Variants in ADGRL3 observed in about 807,000 individuals in gnomAD.
ADGRL3 encodes the protein calcium-independent alpha-latrotoxin receptor 3.
In ADGRL3, 62 loss-of-function variants were observed where a neutral mutation model predicts 153.5. The observed-to-expected ratio is 0.40, with a 90% CI of 0.33 to 0.50. ADGRL3 has a LOEUF of 0.50. ADGRL3 is among the 20% of genes least tolerant of loss of function. The pLI, the probability that ADGRL3 is intolerant of heterozygous loss-of-function variation, is 0.47. For synonymous variants in ADGRL3, 710 were observed against 672.5 expected, an observed-to-expected ratio of 1.06 and a Z score of -0.86; for missense variants, 1,641 against 1,859.4, an observed-to-expected ratio of 0.88 and a Z score of 2.16.
chr4:61,300,562 G>T (rs1003173507), intron 1 of ADGRL3, among the ~76,000 whole-genome samples: 2 of 152,082 alleles, frequency 1.3e-5, no homozygotes, highest in Admixed American at 6.6e-5. Context: ...TTAAGGAAAA[G>T]AAATGCTCAG....
At chr4:61,964,670 AAAAT>A (rs1444723273) in intron 17 of ADGRL3, among the ~76,000 whole-genome samples, 1 of 152,184 alleles carries the variant, frequency 6.6e-6, no homozygotes, top group Non-Finnish European at 1.5e-5. Flanking sequence ...ATCAGTACTA[AAAAT>A]AAATAAACTT....
At chr4:61,804,656 A>G (rs1327535634) in intron 8 of ADGRL3, among the ~76,000 whole-genome samples, 1 of 152,158 alleles carries the variant, frequency 6.6e-6, no homozygotes, top group Non-Finnish European at 1.5e-5. Flanking sequence ...ACCTCATTCT[A>G]ATTCCCTTAT....
chr4:61,830,237 T>C (rs2097854345), intron 9 of ADGRL3, among the ~76,000 whole-genome samples: 1 of 152,026 alleles, frequency 6.6e-6, no homozygotes, highest in Non-Finnish European at 1.5e-5. Context: ...AAAAATTTCT[T>C]TAAAATTAGC....
At chr4:61,341,613 A>G (rs2095810221) in intron 1 of ADGRL3, among the ~76,000 whole-genome samples, 1 of 151,970 alleles carries the variant, frequency 6.6e-6, no homozygotes, top group Non-Finnish European at 1.5e-5. Context: ...GCTGTTATGC[A>G]AAATGTTCTC....
chr4:61,282,406 G>T (rs946609180), intron 1 of ADGRL3, among the ~76,000 whole-genome samples: 4 of 151,824 alleles, frequency 2.6e-5, no homozygotes, highest in African/African-American at 9.7e-5. Flanking sequence ...TTTAAAATCC[G>T]CATTTGGTTA....
chr4:61,955,364 C>G (rs958643698), intron 17 of ADGRL3, among the ~76,000 whole-genome samples: 1 of 152,058 alleles, frequency 6.6e-6, no homozygotes, highest in Non-Finnish European at 1.5e-5. Flanking sequence ...ACAAATTAAA[C>G]TACATAATAA....
At chr4:61,635,855 G>A (rs763712976) in intron 5 of ADGRL3, among the ~76,000 whole-genome samples, 1 of 151,998 alleles carries the variant, frequency 6.6e-6, no homozygotes, top group Non-Finnish European at 1.5e-5. Context: ...CCCTCTGTGT[G>A]TATATGTGTC....
chr4:61,557,097 T>C (rs1181420343), intron 4 of ADGRL3, among the ~76,000 whole-genome samples: 2 of 152,172 alleles, frequency 1.3e-5, no homozygotes, highest in East Asian at 3.8e-4. Flanking sequence ...AGAGGTAAGA[T>C]AAAAGATGAT....
intron 4 of ADGRL3, among the ~76,000 whole-genome samples, chr4:61,553,596 C>T (rs545386150): frequency 6.6e-6 from 1 of 152,204 alleles, no homozygotes; most frequent in East Asian, 1.9e-4. Context: ...TATTGTCTGA[C>T]ATCACAATAT....
chr4:61,540,594 A>C (rs975434261), intron 4 of ADGRL3, among the ~76,000 whole-genome samples: 1 of 152,078 alleles, frequency 6.6e-6, no homozygotes, highest in African/African-American at 2.4e-5. Context: ...AATACAATGG[A>C]TTTTCTTCAA....
At chr4:61,985,669 T>C (rs962803036) in intron 19 of ADGRL3, among the ~76,000 whole-genome samples, 2 of 152,194 alleles carry the variant, frequency 1.3e-5, no homozygotes, top group Non-Finnish European at 2.9e-5. Flanking sequence ...CCAGAATTAT[T>C]GGGAGCATAG....
intron 9 of ADGRL3, among the ~76,000 whole-genome samples, chr4:61,842,597 GA>G (rs2098049718): frequency 6.6e-6 from 1 of 151,884 alleles, no homozygotes; most frequent in Admixed American, 6.6e-5. Context: ...GCATCTGGCT[GA>G]AACACCATCT....
At chr4:61,635,067 G>A (rs1160213124) in intron 5 of ADGRL3, among the ~76,000 whole-genome samples, 1 of 152,108 alleles carries the variant, frequency 6.6e-6, no homozygotes, top group East Asian at 1.9e-4. Flanking sequence ...TAGTCTCACT[G>A]AGAACTAAAA....
intron 6 of ADGRL3, among the ~76,000 whole-genome samples, chr4:61,688,267 A>C (rs2095481157): frequency 6.6e-6 from 1 of 152,118 alleles, no homozygotes; most frequent in African/African-American, 2.4e-5. Context: ...TCTAATTATA[A>C]TTTACATCTT....
At position 62,070,567 on chromosome 4, in the gene ADGRL3, A is replaced by C; in HGVS notation, c.4291A>C (p.Ser1431Arg). ...RRRIPQDHSE[S>R]FFPLLTNEHT... ...GCGGATCCCCCAAGACCACAGTGAG[A>C]GCTTTTTCCCTTTGCTAACCAACGA... The change falls in exon 27 of 27, where the codon AGC becomes CGC. Residue 1431 changes from serine (S) to arginine (R), a missense_variant. Ser to Arg is a moderately radical substitution (Grantham distance 110). Transcript: ENST00000683033. 1 of 1,550,416 alleles carries C rather than the reference A, an allele frequency of 6.4e-7. No homozygotes were observed. The highest frequency in any genetic ancestry group is 2.5e-5 in the East Asian group (1 of 40,800).
intron 1 of ADGRL3, among the ~76,000 whole-genome samples, chr4:61,267,309 G>C (rs1249675350): frequency 6.6e-6 from 1 of 151,644 alleles, no homozygotes; most frequent in Non-Finnish European, 1.5e-5. Flanking sequence ...AAAAGTCTCT[G>C]CTCCCTCCCC....
At chr4:61,299,266 A>T (rs1277647070) in intron 1 of ADGRL3, among the ~76,000 whole-genome samples, 3 of 152,158 alleles carry the variant, frequency 2.0e-5, no homozygotes, top group African/African-American at 7.2e-5. Context: ...ATATTAATTT[A>T]TACAGCATCA....
chr4:61,641,582 C>T (rs2093675305), intron 5 of ADGRL3, among the ~76,000 whole-genome samples: 1 of 151,724 alleles, frequency 6.6e-6, no homozygotes, highest in Admixed American at 6.6e-5. Context: ...TGACGATTTC[C>T]AATTTCATCC....
At chr4:61,418,157 A>G (rs1025228187) in intron 2 of ADGRL3, among the ~76,000 whole-genome samples, 4 of 152,224 alleles carry the variant, frequency 2.6e-5, no homozygotes, top group African/African-American at 9.6e-5. Flanking sequence ...ATTTCATGTA[A>G]GATTGCTACC....
Sources: allele counts gnomAD v4.1 joint callset (sites outside exome capture counted in the v4.1 genomes callset), GRCh38; gene constraint gnomAD v4.1.1; transcripts MANE v1.5; gene names NCBI Gene and HGNC (gene_info 2026-07-23, HGNC 2026-07-21).